ACOT1: variants seen among roughly 807,000 people sequenced by gnomAD.
ACOT1 encodes acyl-coenzyme A thioesterase 1.
Under a neutral mutation model 15.7 loss-of-function variants are expected in ACOT1, and 8 were observed. The ratio of observed to expected loss-of-function variants is 0.51; its 90% confidence interval spans 0.30 to 0.92. The LOEUF (loss-of-function observed/expected upper bound fraction) is 0.92. Ranked by LOEUF, ACOT1 falls within the 40% of genes least tolerant of loss-of-function variation. ACOT1 has a pLI of 0.06. For missense variants in ACOT1, 151 were observed against 539.4 expected (o/e 0.28, Z 7.13); for synonymous variants, 67 against 241.2 (o/e 0.28, Z 6.69).
chr14:73,517,051 T>C, the ACOT1 span, among the ~76,000 whole-genome samples: 9 of 152,156 alleles, frequency 5.9e-5, no homozygotes, highest in East Asian at 1.4e-3. Flanking sequence ...GAGGCTAAGG[T>C]GGGAGGACCC....
the ACOT1 span, among the ~76,000 whole-genome samples, chr14:73,504,456 A>G: frequency 0.09 from 13,707 of 151,914 alleles, 835 homozygotes; most frequent in East Asian, 0.29. Flanking sequence ...GTTAGCCAGG[A>G]TGGTCTCGAT....
the ACOT1 span, chr14:73,512,062 G>A: frequency 2.5e-6 from 4 of 1,614,152 alleles, no homozygotes; most frequent in Non-Finnish European, 3.4e-6. Context: ...TGTGGCACAT[G>A]TGGTGATAGC....
Position 73,541,708 on chromosome 14 carries a change from C to T in ACOT1, c.660+13C>T, listed in dbSNP as rs113062964. On this transcript the variant is annotated intron_variant, in intron 2 of 2. Coordinates refer to ENST00000311148, the MANE Select transcript of ACOT1 (RefSeq NM_001037161.2). Reference sequence around the variant, plus strand: ...CAGTCATCCTGAGGTGAGTTCTTCTCTCAGATTTATGGGCTATGATGTATC... The same window carrying T: ...CAGTCATCCTGAGGTGAGTTCTTCTTTCAGATTTATGGGCTATGATGTATC... 1,996 of 1,238,226 alleles carry T rather than the reference C, an allele frequency of 1.6e-3. 551 individuals are homozygous for T. In the African/African-American group the frequency reaches 0.029, roughly 18 times the overall value. 76.7% of individuals were successfully genotyped at this position (1,238,226 alleles called of 1,614,324 possible).
Position 73,543,448 on chromosome 14 carries a change from CTG to C in ACOT1, c.1061_1062del (p.Cys354LeufsTer9). 1.0e-6 allele frequency: 1 copy of C among 978,482 alleles called. No homozygotes were observed. Among genetic ancestry groups the C allele is most frequent in the Non-Finnish European group, 1.5e-6 (1 of 669,096 alleles). 60.6% of individuals were successfully genotyped at this position (978,482 alleles called of 1,614,324 possible). On this transcript the variant is annotated frameshift_variant, in exon 3 of 3. Coordinates refer to ENST00000311148, the MANE Select transcript of ACOT1 (RefSeq NM_001037161.2). LOFTEE classifies it low-confidence loss of function (END_TRUNC). ...AHGRRKPQII[C>X]YPETGHYIEP... ...ATGGGAGGAGAAAGCCCCAGATCAT[CTG>C]TTACCCAGAGACAGGGCACTATATT...
the ACOT1 span, chr14:73,514,250 G>A: frequency 1.2e-6 from 2 of 1,610,386 alleles, no homozygotes; most frequent in Non-Finnish European, 1.7e-6. Flanking sequence ...CAACGTGGCA[G>A]TGTGAGGTCT....
chr14:73,491,799 A>T, the ACOT1 span: 1 of 1,595,294 alleles, frequency 6.3e-7, no homozygotes, highest in Non-Finnish European at 8.5e-7. Flanking sequence ...TTCGGCCAGC[A>T]TTTGGACGCC....
At chr14:73,518,939 C>A in the ACOT1 span, 1 of 1,389,326 alleles carries the variant, frequency 7.2e-7, no homozygotes, top group Non-Finnish European at 9.9e-7. Flanking sequence ...ACTGGGAGCT[C>A]TAGCACATGA....
chr14:73,491,875 G>GT, the ACOT1 span: 2 of 1,611,240 alleles, frequency 1.2e-6, no homozygotes, highest in Non-Finnish European at 1.7e-6. Context: ...CCGCCGCCGC[G>GT]TGGTCCCTGT....
chr14:73,502,248 G>A, the ACOT1 span, among the ~76,000 whole-genome samples: 3 of 151,896 alleles, frequency 2.0e-5, no homozygotes, highest in Admixed American at 2.0e-4. Context: ...CTCTAGCCAC[G>A]CTGAGTATTC....
Position 73,540,730 on chromosome 14 carries a change from G to C in ACOT1, c.458-763G>C, listed in dbSNP as rs1198343767. The stretch of plus-strand genomic sequence containing the variant: ...TATGTCTTAAAAGTGTTGCCTGTAA[G>C]GTGTTTGCATTCTTTTTTTTTTTTT... On this transcript the variant is annotated intron_variant, in intron 1 of 2. Coordinates refer to ENST00000311148, the MANE Select transcript of ACOT1 (RefSeq NM_001037161.2). 7.7e-4 allele frequency among the ~76,000 whole-genome samples: 88 copies of C among 114,560 alleles called. 1 individual carries two copies. The highest frequency in any genetic ancestry group is 2.6e-3 in the African/African-American group (80 of 31,342). The allele number at this position is 114,560 out of a possible 152,430, so 75.2% of individuals were successfully genotyped here.
the ACOT1 span, chr14:73,511,885 T>A: frequency 8.3e-7 from 1 of 1,203,938 alleles, no homozygotes; most frequent in South Asian, 1.4e-5. Flanking sequence ...GGCCAGTCTC[T>A]AAGTCTTGGT....
chr14:73,527,961 C>CA, the ACOT1 span, among the ~76,000 whole-genome samples: 1,480 of 52,096 alleles, frequency 0.028, 41 homozygotes, highest in African/African-American at 0.066. Flanking sequence ...AACTCCATCT[C>CA]AAAAAAAAAA....
chr14:73,491,694 A>G, the ACOT1 span: 4 of 1,550,030 alleles, frequency 2.6e-6, no homozygotes, highest in African/African-American at 5.5e-5. Flanking sequence ...TGGGAGCGCG[A>G]GGCGGTGCTG....
chr14:73,492,800 A>G, the ACOT1 span: 9 of 1,613,970 alleles, frequency 5.6e-6, no homozygotes, highest in Middle Eastern at 4.9e-4. The surrounding 1 kb of genome is among the most constrained non-coding windows in gnomAD (Gnocchi z 4.9). Context: ...AGCTGATGCC[A>G]TGGAACTGTT....
the ACOT1 span, among the ~76,000 whole-genome samples, chr14:73,507,900 G>C: frequency 1.3e-5 from 2 of 152,114 alleles, no homozygotes; most frequent in African/African-American, 4.8e-5. Context: ...TGGTACCACT[G>C]CACCTGTCTA....
chr14:73,491,413 G>A, the ACOT1 span: 10 of 1,349,088 alleles, frequency 7.4e-6, no homozygotes, highest in South Asian at 1.9e-5. Flanking sequence ...CCGCGCGCCT[G>A]GTGGAGGTGC....
chr14:73,541,722 C>T, intron 2 of ACOT1, 27 bp downstream of exon 2: 1 of 1,220,944 alleles, frequency 8.2e-7, no homozygotes, highest in Middle Eastern at 2.2e-4. Context: ...GATTTATGGG[C>T]TATGATGTAT....
the ACOT1 span, chr14:73,512,217 G>A: frequency 1.5e-5 from 24 of 1,555,562 alleles, no homozygotes; most frequent in Non-Finnish European, 2.1e-5. Flanking sequence ...CTGCAGGCAG[G>A]TGACAAGAAG....
At chr14:73,505,763 T>G in the ACOT1 span, among the ~76,000 whole-genome samples, 1 of 152,100 alleles carries the variant, frequency 6.6e-6, no homozygotes, top group Admixed American at 6.6e-5. Context: ...GATGGGTTTT[T>G]GGGTAGTCTA....
Sources: allele counts gnomAD v4.1 joint callset (sites outside exome capture counted in the v4.1 genomes callset), GRCh38; gene constraint gnomAD v4.1.1; non-coding constraint Gnocchi (gnomAD v3.1); transcripts MANE v1.5; gene names NCBI Gene and HGNC (gene_info 2026-07-23, HGNC 2026-07-21).